TASP1: variants seen among roughly 807,000 people sequenced by gnomAD.
TASP1 encodes threonine aspartase 1.
A neutral mutation model predicts 56.6 loss-of-function variants in TASP1; 16 were observed. The observed-to-expected ratio is 0.28, with a 90% CI of 0.19 to 0.43. The LOEUF (loss-of-function observed/expected upper bound fraction) is 0.43, where lower values mean the gene tolerates loss of function less well. Ranked by LOEUF, TASP1 falls within the 20% of genes least tolerant of loss-of-function variation. TASP1 has a pLI of 1.00. For synonymous variants in TASP1, 179 were observed against 184.2 expected (o/e 0.97, Z 0.23); for missense variants, 393 against 511.6 (o/e 0.77, Z 2.24).
rs116647488 is a variant in TASP1, at chr20:13,470,359, T to C, written c.985+12868A>G. Among the ~76,000 whole-genome samples, 611 of 152,310 alleles carry C rather than the reference T, an allele frequency of 4.0e-3. 4 individuals carry two copies. The highest frequency in any genetic ancestry group is 0.014 in the African/African-American group (580 of 41,566). On this transcript the variant is annotated intron_variant, in intron 11 of 13. Coordinates refer to ENST00000337743, the MANE Select transcript of TASP1 (RefSeq NM_017714.3). ...GCATTCAATTCTACCATGAGCTTCC[T>C]AATGAATATTCTTGAAGGCTCTTAT...
At chr20:13,582,842 T>G (rs980254388) in intron 5 of TASP1, among the ~76,000 whole-genome samples, 1 of 152,192 alleles carries the variant, frequency 6.6e-6, no homozygotes, top group African/African-American at 2.4e-5. Flanking sequence ...AAAATGGATA[T>G]GGGCCCTCTA....
chr20:13,512,717 T>G (rs6074619), intron 10 of TASP1, among the ~76,000 whole-genome samples: 44 of 152,018 alleles, frequency 2.9e-4, no homozygotes, highest in Non-Finnish European at 4.4e-4. Flanking sequence ...TTTTCTTATA[T>G]GGTTTTTATG....
chr20:13,127,342 C>G, the TASP1 span, among the ~76,000 whole-genome samples: 2 of 152,202 alleles, frequency 1.3e-5, no homozygotes, highest in African/African-American at 4.8e-5. Flanking sequence ...CCACATGTCA[C>G]ACACCAGAGG....
At chr20:13,533,961 T>G in intron 9 of TASP1, 61 bp downstream of exon 9, 2 of 1,543,090 alleles carry the variant, frequency 1.3e-6, no homozygotes, top group Non-Finnish European at 1.7e-6. Flanking sequence ...TAAAAAATTG[T>G]GAGCTAAAAA....
At chr20:13,584,239 A>G (rs968107459) in intron 5 of TASP1, among the ~76,000 whole-genome samples, 2 of 152,240 alleles carry the variant, frequency 1.3e-5, no homozygotes, top group Non-Finnish European at 2.9e-5. Context: ...GTAAATGAAA[A>G]ATAAACTATA....
chr20:13,415,419 A>G (rs1056745358), intron 13 of TASP1, among the ~76,000 whole-genome samples: 1 of 148,484 alleles, frequency 6.7e-6, no homozygotes, highest in African/African-American at 2.5e-5. Context: ...CAGCCAAATC[A>G]TTAGTGTTTT....
At chr20:13,308,742 C>T in the TASP1 span, among the ~76,000 whole-genome samples, 1 of 152,094 alleles carries the variant, frequency 6.6e-6, no homozygotes, top group African/African-American at 2.4e-5. Context: ...TGTGTTCCCC[C>T]AAAATTTAAA....
intron 10 of TASP1, among the ~76,000 whole-genome samples, chr20:13,511,940 CT>C (rs2044346345): frequency 6.6e-6 from 1 of 151,960 alleles, no homozygotes; most frequent in African/African-American, 2.4e-5. Flanking sequence ...TGAACTCATC[CT>C]TTTTTATGGC....
chr20:13,554,349 A>G (rs185658294), intron 8 of TASP1, among the ~76,000 whole-genome samples: 4 of 152,326 alleles, frequency 2.6e-5, no homozygotes, highest in Admixed American at 6.5e-5. Context: ...ATGGATTAAT[A>G]ATTCTTACTT....
the TASP1 span, among the ~76,000 whole-genome samples, chr20:13,258,279 G>A: frequency 6.6e-6 from 1 of 151,934 alleles, no homozygotes; most frequent in African/African-American, 2.4e-5. Context: ...GGAAATGAAC[G>A]CCCACCTTAC....
the TASP1 span, among the ~76,000 whole-genome samples, chr20:13,365,990 A>T: frequency 6.6e-6 from 1 of 152,206 alleles, no homozygotes; most frequent in Non-Finnish European, 1.5e-5. Context: ...AGAGATGAGG[A>T]AAAGACGGGA....
At chr20:13,331,620 T>C in the TASP1 span, among the ~76,000 whole-genome samples, 1 of 151,958 alleles carries the variant, frequency 6.6e-6, no homozygotes, top group African/African-American at 2.4e-5. Flanking sequence ...ACTTCATTTT[T>C]GCTGAAGCTA....
chr20:13,213,034 T>C, the TASP1 span, among the ~76,000 whole-genome samples: 101 of 152,334 alleles, frequency 6.6e-4, 1 homozygote, highest in South Asian at 8.7e-3. Flanking sequence ...ATCTCTGATG[T>C]GGCATCTTAG....
chr20:13,499,580 C>A (rs184233386), intron 10 of TASP1, among the ~76,000 whole-genome samples: 5 of 152,202 alleles, frequency 3.3e-5, no homozygotes, highest in Admixed American at 3.3e-4. Context: ...GCATCTGCAG[C>A]CACCTTATGA....
At chr20:13,492,210 A>G (rs149096497) in intron 10 of TASP1, among the ~76,000 whole-genome samples, 68 of 152,346 alleles carry the variant, frequency 4.5e-4, no homozygotes, top group Middle Eastern at 3.4e-3. Context: ...ATGTCATCTT[A>G]TAAATGCTGC....
At position 13,630,045 on chromosome 20, in the gene TASP1, C is replaced by T; in HGVS notation, c.34G>A (p.Gly12Arg). Residue 12 changes from glycine (G) to arginine (R), a missense_variant, in exon 2 of 14, where the codon GGG becomes AGG. This residue lies in a region of TASP1 where 52 missense variants were observed against 51.1 expected (regional missense o/e 1.02). Transcript: ENST00000337743. The part of the protein sequence containing the change: ...TMEKGMSSGE[G>R]LPSRSSQVSA... ...ACCTGAGATGATCTGGAAGGCAGCC[C>T]TTCTCCAGAACTCATCCCCTTCTCC... 6.2e-7 allele frequency: 1 copy of T among 1,613,918 alleles called. No homozygotes were observed. The highest frequency in any genetic ancestry group is 1.3e-5 in the African/African-American group (1 of 75,034).
chr20:13,144,007 T>G, the TASP1 span, among the ~76,000 whole-genome samples: 1 of 152,172 alleles, frequency 6.6e-6, no homozygotes, highest in Non-Finnish European at 1.5e-5. Context: ...TCAGAGCATG[T>G]CATGTTTACT....
chr20:13,126,569 G>T, the TASP1 span: 1 of 1,611,100 alleles, frequency 6.2e-7, no homozygotes, highest in Non-Finnish European at 8.5e-7. Flanking sequence ...CCTTCTTTTT[G>T]GGTTTCCCCT....
At chr20:13,387,286 CT>C (rs2041171264), downstream of TASP1, among the ~76,000 whole-genome samples, 1 of 148,784 alleles carries the variant, frequency 6.7e-6, no homozygotes, top group Admixed American at 6.8e-5. Flanking sequence ...CTCCGCCTCC[CT>C]GGTTCAAGTG....
Sources: allele counts gnomAD v4.1 joint callset (sites outside exome capture counted in the v4.1 genomes callset), GRCh38; gene constraint gnomAD v4.1.1; regional missense constraint gnomAD v4.1.1; transcripts MANE v1.5; gene names NCBI Gene and HGNC (gene_info 2026-07-23, HGNC 2026-07-21).